Variants in HPS3 observed in about 807,000 individuals in gnomAD.
HPS3 encodes HPS3 biogenesis of lysosomal organelles complex 2 subunit 1.
Under a neutral mutation model 110.9 loss-of-function variants are expected in HPS3, and 79 were observed. The observed-to-expected ratio is 0.71, with a 90% confidence interval of 0.59 to 0.86. HPS3 has a LOEUF of 0.86. Among genes scored for constraint, HPS3 ranks in the 40% least tolerant of loss-of-function variants. The pLI is 0.00. For synonymous variants in HPS3, 428 were observed against 451.0 expected, an observed-to-expected ratio of 0.95 and a Z score of 0.65; for missense variants, 1,197 against 1,206.2, an observed-to-expected ratio of 0.99 and a Z score of 0.11.
At chr3:149,169,653 T>A (rs1316367704) in intron 16 of HPS3, among the ~76,000 whole-genome samples, 1 of 152,200 alleles carries the variant, frequency 6.6e-6, no homozygotes, top group African/African-American at 2.4e-5. Flanking sequence ...CTCCAGATGT[T>A]GCCAGATGTC....
chr3:149,133,862 A>G (rs1721918770), intron 1 of HPS3, among the ~76,000 whole-genome samples: 1 of 152,132 alleles, frequency 6.6e-6, no homozygotes, highest in South Asian at 2.1e-4. Context: ...TCTAGTACAA[A>G]CATAACTTTT....
At chr3:149,165,806 T>C (rs1264519130) in intron 14 of HPS3, 5 of 332,594 alleles carry the variant, frequency 1.5e-5, no homozygotes, top group South Asian at 4.8e-5. Context: ...GAGTTAAATA[T>C]AGAGGTAATC....
chr3:149,171,980 C>T (rs1348515987), intron 16 of HPS3, 115 bp from the exon 17 acceptor site: 3 of 949,980 alleles, frequency 3.2e-6, no homozygotes, highest in Admixed American at 3.8e-5. Flanking sequence ...GCTGGGATTA[C>T]AGGCGTGAGC....
chr3:149,169,674 C>T (rs561521306), intron 16 of HPS3, among the ~76,000 whole-genome samples: 1 of 152,266 alleles, frequency 6.6e-6, no homozygotes, highest in Non-Finnish European at 1.5e-5. Flanking sequence ...CCCTGTGGGA[C>T]AAAATTTTCC....
intron 16 of HPS3, 101 bp from the exon 17 acceptor site, chr3:149,171,994 C>T: frequency 8.4e-7 from 1 of 1,188,260 alleles, no homozygotes; most frequent in Non-Finnish European, 1.2e-6. Flanking sequence ...CGTGAGCCAC[C>T]ACGCCTGGCC....
At chr3:149,139,622 C>T (rs766886325) in intron 1 of HPS3, among the ~76,000 whole-genome samples, 1 of 152,206 alleles carries the variant, frequency 6.6e-6, no homozygotes, top group African/African-American at 2.4e-5. Flanking sequence ...TTCTGCTAAT[C>T]TGAGAATTCC....
chr3:149,150,909 T>C (rs1269841822), intron 6 of HPS3, among the ~76,000 whole-genome samples: 1 of 152,212 alleles, frequency 6.6e-6, no homozygotes, highest in Non-Finnish European at 1.5e-5. Context: ...ATTGATTTAG[T>C]GCATAGTTTT....
At chr3:149,132,396 T>G (rs542280008) in intron 1 of HPS3, among the ~76,000 whole-genome samples, 6 of 152,214 alleles carry the variant, frequency 3.9e-5, no homozygotes, top group African/African-American at 7.2e-5. Flanking sequence ...TTAAAAATTA[T>G]GCTAAATCTA....
intron 10 of HPS3, among the ~76,000 whole-genome samples, chr3:149,159,713 ATAG>A (rs1194154212): frequency 1.3e-5 from 2 of 152,194 alleles, no homozygotes; most frequent in Non-Finnish European, 2.9e-5. Flanking sequence ...TTTGAACTAA[ATAG>A]TAGTTTTTAT....
At position 149,129,658 on chromosome 3, in the gene HPS3, G is replaced by C; in HGVS notation, c.-66G>C. The C allele has an allele frequency of 7.9e-7, 1 of 1,260,018 alleles. No individual in the cohort carries two copies. Among genetic ancestry groups the C allele is most frequent in the Non-Finnish European group, 1.1e-6 (1 of 940,916 alleles). 78.1% of individuals were successfully genotyped at this position (1,260,018 alleles called of 1,614,324 possible). A position where few individuals can be genotyped will look rare whatever the true frequency, so the allele number is the denominator to read the frequency against. ...CTCGCGGAAGTAGTCCTACATTCGC[G>C]GTCAGCGCGGGGTCTCCGGGCGCCC... On this transcript the variant is annotated 5_prime_UTR_variant, in exon 1 of 17. Transcript: ENST00000296051.
Position 149,166,672 on chromosome 3 carries a change from G to A in HPS3, c.2590-362G>A, listed in dbSNP as rs563423064. 5.3e-5 allele frequency among the ~76,000 whole-genome samples: 8 copies of A among 152,068 alleles called. No individual in the cohort carries two copies. In the South Asian group the frequency reaches 6.2e-4, roughly 12 times the overall value. On this transcript the variant is annotated intron_variant, in intron 14 of 16. Coordinates refer to ENST00000296051, the MANE Select transcript of HPS3 (RefSeq NM_032383.5). ...ATTACTTCTAAATTTTCAATATTGC[G>A]AATACTCTTGCGGTGAACATCATTG...
chr3:149,129,661 C>A lies in HPS3; in HGVS notation c.-63C>A. 4 of 1,302,186 alleles carry A rather than the reference C, an allele frequency of 3.1e-6. No homozygotes were observed. Among genetic ancestry groups the A allele is most frequent in the South Asian group, 3.0e-5 (2 of 66,208 alleles). The allele number at this position is 1,302,186 out of a possible 1,614,324, so 80.7% of individuals were successfully genotyped here. A position where few individuals can be genotyped will look rare whatever the true frequency, so the allele number is the denominator to read the frequency against. ...GCGGAAGTAGTCCTACATTCGCGGT[C>A]AGCGCGGGGTCTCCGGGCGCCCTGC... On this transcript the variant is annotated 5_prime_UTR_variant, in exon 1 of 17. Coordinates refer to ENST00000296051, the MANE Select transcript of HPS3 (RefSeq NM_032383.5).
rs573333333 is a variant in HPS3, at chr3:149,134,168, T to C, written c.217+4228T>C. Among the ~76,000 whole-genome samples, 7 of 152,332 alleles carry C rather than the reference T, an allele frequency of 4.6e-5. No individual in the cohort carries two copies. The East Asian group carries it at 1.4e-3, about 29-fold the overall frequency. On this transcript the variant is annotated intron_variant, in intron 1 of 16. Transcript: ENST00000296051. ...GCCTGCACTGGGCCACGGACCTGTT[T>C]GAAAAACCTCTCATTAACTCTTTAA...
Position 149,129,959 on chromosome 3 carries a change from C to G in HPS3, c.217+19C>G, listed in dbSNP as rs566663642. On this transcript the variant is annotated intron_variant, in intron 1 of 16. Coordinates refer to ENST00000296051, the MANE Select transcript of HPS3 (RefSeq NM_032383.5). ...GAGGCTGGTGAGTAATCTAGAGAGC[C>G]AGGGGCCGCCTGGGGTCCAGCTTGA... 1.7e-4 allele frequency: 267 copies of G among 1,533,842 alleles called. 1 individual carries two copies. In the African/African-American group the frequency reaches 3.2e-3, roughly 18 times the overall value.
Position 149,160,026 on chromosome 3 carries a change from T to G in HPS3, c.1873-20T>G. On this transcript the variant is annotated intron_variant, in intron 10 of 16. Coordinates refer to ENST00000296051, the MANE Select transcript of HPS3 (RefSeq NM_032383.5). Reference sequence around the variant, plus strand: ...GCTGACTGACCTTTTATTCCTTTTATTCCTTCGTGCTCACCAAAGGAATTA... The same window carrying G: ...GCTGACTGACCTTTTATTCCTTTTAGTCCTTCGTGCTCACCAAAGGAATTA... The G allele has an allele frequency of 6.3e-7, 1 of 1,587,308 alleles. No individual in the cohort carries two copies. Among genetic ancestry groups the G allele is most frequent in the Non-Finnish European group, 8.7e-7 (1 of 1,155,516 alleles).
Position 149,162,697 on chromosome 3 carries a change from G to T in HPS3, c.2300G>T (p.Cys767Phe). Residue 767 changes from cysteine (C) to phenylalanine (F), a missense_variant, in exon 13 of 17, where the codon TGT (cysteine) becomes TTT (phenylalanine). Coordinates refer to ENST00000296051, the MANE Select transcript of HPS3 (RefSeq NM_032383.5). The part of the protein sequence containing the change: ...EEADSFFKVL[C>F]AKDEDTIPQL... ...CCTTTTACTGTTTTTAAGGTGCTTTGTGCTAAGGATGAAGATACAATTCCT... is the reference window on the plus strand; with the variant it reads ...CCTTTTACTGTTTTTAAGGTGCTTTTTGCTAAGGATGAAGATACAATTCCT... The T allele has an allele frequency of 6.2e-7, 1 of 1,613,824 alleles. No homozygotes were observed. Among genetic ancestry groups the T allele is most frequent in the Middle Eastern group, 1.7e-4 (1 of 6,060 alleles).
At chr3:149,148,655 T>G (rs1456323612) in intron 5 of HPS3, among the ~76,000 whole-genome samples, 1 of 151,666 alleles carries the variant, frequency 6.6e-6, no homozygotes, top group East Asian at 2.0e-4. Context: ...TTCGCCCACC[T>G]CAGCCTCCCA....
intron 7 of HPS3, chr3:149,153,855 G>C: frequency 1.7e-6 from 1 of 593,638 alleles, no homozygotes; most frequent in Non-Finnish European, 3.0e-6. Flanking sequence ...GGAGAAAATG[G>C]ATTATAAAAT....
chr3:149,173,577 G>T lies in HPS3; in HGVS notation c.*1355G>T. The T allele has an allele frequency of 1.6e-6, 1 of 613,764 alleles. No individual in the cohort carries two copies. The highest frequency in any genetic ancestry group is 2.9e-6 in the Non-Finnish European group (1 of 349,724). The allele number at this position is 613,764 out of a possible 1,614,324, so 38.0% of individuals were successfully genotyped here. A position where few individuals can be genotyped will look rare whatever the true frequency, so the allele number is the denominator to read the frequency against. ...AAATTAATAGTTTTCCCCCACAAAT[G>T]TACAAAGTTGTATGCTTCCAGTCTT... On this transcript the variant is annotated 3_prime_UTR_variant, in exon 17 of 17. Coordinates refer to ENST00000296051, the MANE Select transcript of HPS3 (RefSeq NM_032383.5).
Sources: gnomAD v4.1 joint callset for allele counts (sites outside exome capture counted in the v4.1 genomes callset) on GRCh38, gnomAD v4.1.1 for gene constraint, MANE v1.5 for transcripts, NCBI Gene and HGNC (gene_info 2026-07-23, HGNC 2026-07-21) for gene names.